CFAP61: variants seen among roughly 807,000 people sequenced by gnomAD.
The protein encoded by CFAP61 is cilia and flagella associated protein 61, also known as cilia- and flagella-associated protein 61.
Under a neutral mutation model 135.6 loss-of-function variants are expected in CFAP61, and 107 were observed. The ratio of observed to expected loss-of-function variants is 0.79; its 90% CI spans 0.67 to 0.93. The LOEUF (loss-of-function observed/expected upper bound fraction) is 0.93, where lower values mean the gene tolerates loss of function less well. Among genes scored for constraint, CFAP61 ranks in the 40% least tolerant of loss-of-function variants. The probability of loss-of-function intolerance (pLI) is 0.00; values close to 1 mark genes in which losing one functional copy is unlikely to be tolerated. For missense variants in CFAP61, 1,507 were observed against 1,556.2 expected (o/e 0.97, Z 0.53); for synonymous variants, 575 against 578.5 (o/e 0.99, Z 0.09).
chr20:20,187,844 G>C, intron 13 of CFAP61, 86 bp from the exon 14 acceptor site: 2 of 987,610 alleles, frequency 2.0e-6, no homozygotes, highest in Non-Finnish European at 3.1e-6. Context: ...TTTTATATAA[G>C]TGTGATATAT....
chr20:20,315,222 T>A (rs2057060412), intron 25 of CFAP61, among the ~76,000 whole-genome samples: 1 of 151,978 alleles, frequency 6.6e-6, no homozygotes, highest in South Asian at 2.1e-4. Context: ...TTTTAATGAC[T>A]GCCATTCTAA....
At chr20:20,229,195 T>C (rs907790257) in intron 18 of CFAP61, among the ~76,000 whole-genome samples, 6 of 152,192 alleles carry the variant, frequency 3.9e-5, no homozygotes, top group African/African-American at 1.2e-4. Flanking sequence ...TCTCTCTCCA[T>C]GTGCTCACTT....
At chr20:20,057,798 A>T (rs912795933) in intron 2 of CFAP61, among the ~76,000 whole-genome samples, 4 of 152,084 alleles carry the variant, frequency 2.6e-5, no homozygotes, top group Non-Finnish European at 5.9e-5. Flanking sequence ...GCTCACTGCA[A>T]TCTCCGCCTC....
At chr20:20,342,063 G>A (rs534189875) in intron 26 of CFAP61, 142 bp downstream of exon 26, 37 of 555,166 alleles carry the variant, frequency 6.7e-5, no homozygotes, top group Admixed American at 2.8e-4. Flanking sequence ...AACAAACTGC[G>A]GAGCATGTAA....
Position 20,349,591 on chromosome 20 carries a change from T to G in CFAP61, c.3513+7670T>G, listed in dbSNP as rs2058757831. On this transcript the variant is annotated intron_variant, in intron 26 of 26. Transcript: ENST00000245957. ...TGAAGGGAAAAAAACATCCAGACCA[T>G]ATTAGCATTTAATAATTTGAAAATG... 2.0e-5 allele frequency among the ~76,000 whole-genome samples: 3 copies of G among 152,304 alleles called. No homozygotes were observed. The South Asian group carries it at 6.2e-4, about 32-fold the overall frequency.
chr20:20,203,103 C>T (rs759765404), intron 17 of CFAP61, among the ~76,000 whole-genome samples: 12 of 152,062 alleles, frequency 7.9e-5, no homozygotes, highest in African/African-American at 1.2e-4. Context: ...CTGGTTTGGA[C>T]GATCAGTGTC....
chr20:20,280,270 T>A (rs1601791096), intron 22 of CFAP61, among the ~76,000 whole-genome samples: 1 of 152,090 alleles, frequency 6.6e-6, no homozygotes, highest in Non-Finnish European at 1.5e-5. Context: ...CAGCTGCAAG[T>A]CATGGAATGG....
intron 4 of CFAP61, 103 bp downstream of exon 4, chr20:20,074,481 C>A: frequency 1.0e-6 from 1 of 971,156 alleles, no homozygotes. Flanking sequence ...GTTTAATTTG[C>A]TTGTAATTTG....
At chr20:20,235,327 AG>A (rs946727610) in intron 18 of CFAP61, among the ~76,000 whole-genome samples, 4 of 152,110 alleles carry the variant, frequency 2.6e-5, no homozygotes, top group African/African-American at 9.7e-5. Flanking sequence ...AGGCTCTCAA[AG>A]TGCCGTCCCT....
intron 20 of CFAP61, among the ~76,000 whole-genome samples, chr20:20,252,092 A>C (rs1320503365): frequency 6.6e-6 from 1 of 152,228 alleles, no homozygotes; most frequent in East Asian, 1.9e-4. Context: ...CCAGGCATGC[A>C]TTTGTGGTAA....
chr20:20,230,567 G>A (rs1000360645), intron 18 of CFAP61, among the ~76,000 whole-genome samples: 4 of 151,966 alleles, frequency 2.6e-5, no homozygotes, highest in Non-Finnish European at 5.9e-5. Flanking sequence ...TTTTGTTTTT[G>A]TTTTGAGACA....
chr20:20,348,956 C>T (rs2058737509), intron 26 of CFAP61, among the ~76,000 whole-genome samples: 1 of 152,174 alleles, frequency 6.6e-6, no homozygotes, highest in South Asian at 2.1e-4. Context: ...TGCCTGCTTT[C>T]ACCACTTATA....
intron 8 of CFAP61, chr20:20,107,521 T>C (rs1329151630): frequency 1.3e-5 from 2 of 152,232 alleles, no homozygotes; most frequent in Admixed American, 6.5e-5. Context: ...ATTTAGTATA[T>C]GAAGATGAAA....
At chr20:20,283,285 A>G (rs557748368) in intron 22 of CFAP61, among the ~76,000 whole-genome samples, 1 of 152,252 alleles carries the variant, frequency 6.6e-6, no homozygotes, top group Admixed American at 6.5e-5. Context: ...GCCTTTTATC[A>G]TTATGAAATG....
chr20:20,331,058 T>C (rs2057971393), intron 25 of CFAP61, among the ~76,000 whole-genome samples: 1 of 152,244 alleles, frequency 6.6e-6, no homozygotes, highest in Admixed American at 6.5e-5. Context: ...TTCTACAAAT[T>C]TTAGACTCCA....
chr20:20,203,033 A>G (rs1379868543), intron 17 of CFAP61, among the ~76,000 whole-genome samples: 1 of 152,110 alleles, frequency 6.6e-6, no homozygotes, highest in Non-Finnish European at 1.5e-5. Context: ...ATTGAAATTC[A>G]TCACTGCATG....
At chr20:20,347,061 A>G (rs2058661002) in intron 26 of CFAP61, among the ~76,000 whole-genome samples, 1 of 152,226 alleles carries the variant, frequency 6.6e-6, no homozygotes, top group African/African-American at 2.4e-5. Flanking sequence ...TTCTCCAACC[A>G]CAACAGAATG....
At chr20:20,078,013 A>G (rs1484793806) in intron 6 of CFAP61, among the ~76,000 whole-genome samples, 1 of 152,230 alleles carries the variant, frequency 6.6e-6, no homozygotes, top group African/African-American at 2.4e-5. Context: ...ACAGTTTTGC[A>G]GGGTCATTTC....
At chr20:20,209,915 G>A (rs2047513101) in intron 17 of CFAP61, among the ~76,000 whole-genome samples, 1 of 151,830 alleles carries the variant, frequency 6.6e-6, no homozygotes, top group African/African-American at 2.4e-5. Flanking sequence ...GTCACCCCTT[G>A]TCCTGGCATC....
Sources: allele counts gnomAD v4.1 joint callset (sites outside exome capture counted in the v4.1 genomes callset), GRCh38; gene constraint gnomAD v4.1.1; transcripts MANE v1.5; gene names NCBI Gene and HGNC (gene_info 2026-07-23, HGNC 2026-07-21).